Variants in MBNL2 observed in about 807,000 individuals in gnomAD.
The protein encoded by MBNL2 is muscleblind-like protein 2.
In MBNL2, 17 loss-of-function variants were observed where a neutral mutation model predicts 41.9. The observed-to-expected ratio is 0.41, with a 90% CI of 0.28 to 0.61. MBNL2 has a LOEUF of 0.61. Ranked by LOEUF, MBNL2 falls within the 20% of genes least tolerant of loss-of-function variation. The probability of loss-of-function intolerance (pLI) is 0.35; values close to 1 mark genes in which losing one functional copy is unlikely to be tolerated. For missense variants in MBNL2, 336 were observed against 505.6 expected, an observed-to-expected ratio of 0.66 and a Z score of 3.22; for synonymous variants, 195 against 182.9, an observed-to-expected ratio of 1.07 and a Z score of -0.53.
chr13:97,357,733 G>A, intron 7 of MBNL2, 98 bp downstream of exon 7: 1 of 1,163,046 alleles, frequency 8.6e-7, no homozygotes, highest in Non-Finnish European at 1.3e-6. Context: ...TGCTTTTGAA[G>A]GTATAATACA....
At chr13:97,177,213 C>T in the MBNL2 span, among the ~76,000 whole-genome samples, 1 of 152,088 alleles carries the variant, frequency 6.6e-6, no homozygotes, top group Admixed American at 6.6e-5. Flanking sequence ...GTGGCATGTG[C>T]CTGTAGTCCC....
At chr13:97,253,250 A>G (rs1342103325) in intron 1 of MBNL2, among the ~76,000 whole-genome samples, 1 of 152,218 alleles carries the variant, frequency 6.6e-6, no homozygotes, top group Non-Finnish European at 1.5e-5. Context: ...CTATCCATCC[A>G]TATATCCATT....
chr13:97,183,124 C>A, the MBNL2 span, among the ~76,000 whole-genome samples: 5 of 152,116 alleles, frequency 3.3e-5, no homozygotes, highest in Admixed American at 2.6e-4. Flanking sequence ...ACTCTAATAT[C>A]TTTTCAATAA....
At chr13:97,369,432 T>TAAAC (rs1360290578) in intron 8 of MBNL2, among the ~76,000 whole-genome samples, 1 of 152,180 alleles carries the variant, frequency 6.6e-6, no homozygotes, top group Non-Finnish European at 1.5e-5. Flanking sequence ...ATTACAAAGA[T>TAAAC]AAACACAAAC....
At chr13:97,318,533 TTGAC>T (rs1370541434) in intron 2 of MBNL2, among the ~76,000 whole-genome samples, 2 of 152,212 alleles carry the variant, frequency 1.3e-5, no homozygotes, top group African/African-American at 4.8e-5. Context: ...ACAATGGTAT[TTGAC>T]TGCATTCAAA....
intron 7 of MBNL2, among the ~76,000 whole-genome samples, chr13:97,364,110 C>A (rs565801032): frequency 6.6e-6 from 1 of 152,168 alleles, no homozygotes; most frequent in Non-Finnish European, 1.5e-5. Flanking sequence ...AGCTTTCTTT[C>A]AGTTCTCCAC....
Position 97,238,621 on chromosome 13 carries a change from A to C in MBNL2, c.-605+16090A>C, listed in dbSNP as rs548915417. Among the ~76,000 whole-genome samples, 13 of 152,284 alleles carry C rather than the reference A, an allele frequency of 8.5e-5. No homozygotes were observed. The East Asian group carries it at 2.3e-3, about 27-fold the overall frequency. ...CTTTGGGAAAGTCCCTTTTTGGAAGAGTGCTGCGTGGGCTGCTGAACTGCA... is the reference window on the plus strand; with the variant it reads ...CTTTGGGAAAGTCCCTTTTTGGAAGCGTGCTGCGTGGGCTGCTGAACTGCA... On this transcript the variant is annotated intron_variant, in intron 1 of 8. Transcript: ENST00000679496.
chr13:97,340,859 C>T (rs1263737947), intron 3 of MBNL2, among the ~76,000 whole-genome samples: 1 of 152,092 alleles, frequency 6.6e-6, no homozygotes, highest in Non-Finnish European at 1.5e-5. Context: ...ACAAAAGTTA[C>T]CTAATTGGAA....
chr13:97,307,095 A>G (rs1183660363), intron 2 of MBNL2, among the ~76,000 whole-genome samples: 1 of 152,194 alleles, frequency 6.6e-6, no homozygotes, highest in Non-Finnish European at 1.5e-5. Context: ...TCTGAAGGAG[A>G]GAAAGAAAGT....
intron 1 of MBNL2, among the ~76,000 whole-genome samples, chr13:97,231,625 C>T (rs1246737742): frequency 6.6e-6 from 1 of 152,132 alleles, no homozygotes; most frequent in African/African-American, 2.4e-5. Flanking sequence ...AGGCATGAAG[C>T]CAGGGACTTC....
At chr13:97,341,975 G>A (rs2061475989) in intron 3 of MBNL2, among the ~76,000 whole-genome samples, 2 of 152,094 alleles carry the variant, frequency 1.3e-5, no homozygotes, top group Non-Finnish European at 2.9e-5. Context: ...TTAAAAGACT[G>A]CATTAATATG....
intron 2 of MBNL2, among the ~76,000 whole-genome samples, chr13:97,308,797 A>AG (rs1461438387): frequency 6.6e-5 from 10 of 152,234 alleles, no homozygotes; most frequent in Admixed American, 6.5e-4. Context: ...GAGGCATGCA[A>AG]GGATGAGTAA....
the MBNL2 span, among the ~76,000 whole-genome samples, chr13:97,182,835 T>G: frequency 2.6e-5 from 4 of 152,316 alleles, no homozygotes; most frequent in South Asian, 2.1e-4. Context: ...TTCTTGAGAA[T>G]TATTCCCCTC....
intron 8 of MBNL2, among the ~76,000 whole-genome samples, chr13:97,384,256 C>T (rs746233921): frequency 7.9e-5 from 12 of 152,122 alleles, no homozygotes; most frequent in Middle Eastern, 3.2e-3. Flanking sequence ...TGAAAGTGTA[C>T]ATTTGTTAAC....
chr13:97,196,809 C>T, the MBNL2 span, among the ~76,000 whole-genome samples: 1 of 152,158 alleles, frequency 6.6e-6, no homozygotes, highest in East Asian at 1.9e-4. Context: ...CACACTTTCT[C>T]CTTAACTGTC....
intron 8 of MBNL2, among the ~76,000 whole-genome samples, chr13:97,390,296 T>C (rs1401095447): frequency 6.6e-6 from 1 of 151,506 alleles, no homozygotes; most frequent in Non-Finnish European, 1.5e-5. Context: ...GGAAAAAATA[T>C]CCACGTGGAG....
chr13:97,352,917 A>G (rs2062632646), intron 5 of MBNL2, among the ~76,000 whole-genome samples: 2 of 152,222 alleles, frequency 1.3e-5, no homozygotes, highest in African/African-American at 4.8e-5. Flanking sequence ...TAAAGGAACA[A>G]TACACCTAGT....
intron 1 of MBNL2, among the ~76,000 whole-genome samples, chr13:97,254,586 G>A (rs1029142741): frequency 6.6e-6 from 1 of 152,108 alleles, no homozygotes; most frequent in East Asian, 1.9e-4. Flanking sequence ...TAACTTCTGC[G>A]TTGACTTCTT....
chr13:97,329,286 T>A (rs1211238240), intron 2 of MBNL2, among the ~76,000 whole-genome samples: 1 of 152,212 alleles, frequency 6.6e-6, no homozygotes, highest in Admixed American at 6.5e-5. Context: ...AATTCTGTTA[T>A]TGTTTTTAAA....
Sources: gnomAD v4.1 joint callset for allele counts (sites outside exome capture counted in the v4.1 genomes callset) on GRCh38, gnomAD v4.1.1 for gene constraint, MANE v1.5 for transcripts, NCBI Gene and HGNC (gene_info 2026-07-23, HGNC 2026-07-21) for gene names.